The following TASP1 variants were observed in gnomAD, a reference collection of about 807,000 sequenced individuals.
The protein encoded by TASP1 is taspase 1.
In TASP1, 16 loss-of-function variants were observed where a neutral mutation model predicts 56.6. The ratio of observed to expected loss-of-function variants is 0.28; its 90% confidence interval spans 0.19 to 0.43. The LOEUF (loss-of-function observed/expected upper bound fraction) is 0.43, where lower values mean the gene tolerates loss of function less well. TASP1 is among the 20% of genes least tolerant of loss of function. The pLI, the probability that TASP1 is intolerant of heterozygous loss-of-function variation, is 1.00. For missense variants in TASP1, 393 were observed against 511.6 expected (o/e 0.77, Z 2.24); for synonymous variants, 179 against 184.2 (o/e 0.97, Z 0.23).
At chr20:13,341,428 C>T in the TASP1 span, among the ~76,000 whole-genome samples, 4 of 152,122 alleles carry the variant, frequency 2.6e-5, no homozygotes, top group African/African-American at 7.2e-5. Flanking sequence ...TAGGCATGAC[C>T]GTTGGCAAGT....
At chr20:13,532,234 T>G (rs1568552739) in intron 9 of TASP1, among the ~76,000 whole-genome samples, 1 of 152,228 alleles carries the variant, frequency 6.6e-6, no homozygotes, top group Non-Finnish European at 1.5e-5. Context: ...TCTGCACTGC[T>G]ATCACATATC....
At chr20:13,432,848 T>C (rs973767593) in intron 12 of TASP1, among the ~76,000 whole-genome samples, 2 of 152,122 alleles carry the variant, frequency 1.3e-5, no homozygotes, top group African/African-American at 2.4e-5. Context: ...TTAACACAAA[T>C]GGGTAAGAGT....
chr20:13,511,809 A>G (rs1187712075), intron 10 of TASP1, among the ~76,000 whole-genome samples: 6 of 129,902 alleles, frequency 4.6e-5, no homozygotes. Context: ...CCTGTGTCCA[A>G]GTGTTCTCAT....
Position 13,580,981 on chromosome 20 carries a change from C to T in TASP1, c.404G>A (p.Gly135Glu). ...GGCAACCGAGACTGGGTTCTTGATT[C>T]CTATAAAAAAAAAAAAAAAATTGGC... ...LNFGAVGALSGIKNPVSVANR... is the reference protein window; with the variant it reads ...LNFGAVGALSEIKNPVSVANR... Residue 135 changes from glycine to glutamate, a missense_variant and splice_region_variant, in exon 6 of 14, where the codon GGA becomes GAA. Physicochemically the swap from Gly to Glu is moderately conservative, Grantham distance 98. Around this residue, in one of 3 missense-constraint regions of TASP1, gnomAD observed 293 missense variants for 354.2 expected, o/e 0.83. Transcript: ENST00000337743. 1 of 1,541,704 alleles carries T rather than the reference C, an allele frequency of 6.5e-7. No individual in the cohort carries two copies. The highest frequency in any genetic ancestry group is 1.2e-5 in the South Asian group (1 of 84,584).
chr20:13,494,851 C>T (rs2043663186), intron 10 of TASP1, among the ~76,000 whole-genome samples: 1 of 151,844 alleles, frequency 6.6e-6, no homozygotes, highest in Admixed American at 6.6e-5. Flanking sequence ...CCAATTTTAA[C>T]CAGAAAGTCC....
chr20:13,410,347 G>T (rs2042055418), intron 13 of TASP1, among the ~76,000 whole-genome samples: 1 of 152,170 alleles, frequency 6.6e-6, no homozygotes, highest in African/African-American at 2.4e-5. Context: ...TAAATACCCA[G>T]TAGTAGAAAG....
At chr20:13,512,714 ATATGGTTTT>A (rs1389631092) in intron 10 of TASP1, among the ~76,000 whole-genome samples, 1 of 152,010 alleles carries the variant, frequency 6.6e-6, no homozygotes, top group East Asian at 1.9e-4. Context: ...AGGTTTTCTT[ATATGGTTTT>A]TATGGTTTTA....
At chr20:13,226,054 C>T in the TASP1 span, among the ~76,000 whole-genome samples, 2 of 152,106 alleles carry the variant, frequency 1.3e-5, no homozygotes, top group Non-Finnish European at 2.9e-5. Context: ...AGTAGTAAGT[C>T]AGAACTCATT....
chr20:13,184,042 AAAAG>A, the TASP1 span, among the ~76,000 whole-genome samples: 328 of 151,762 alleles, frequency 2.2e-3, 1 homozygote, highest in African/African-American at 7.4e-3. Flanking sequence ...AAAAAAAAAA[AAAAG>A]AAAGAAAGAA....
chr20:13,247,577 AACTTAAAAGAGAG>A, the TASP1 span, among the ~76,000 whole-genome samples: 3 of 149,020 alleles, frequency 2.0e-5, no homozygotes, highest in South Asian at 6.4e-4. Flanking sequence ...TAGGAGGAGC[AACTTAAAAGAGAG>A]ACTTTAGCAT....
the TASP1 span, chr20:13,166,970 G>A: frequency 4.6e-5 from 7 of 152,182 alleles, no homozygotes; most frequent in Admixed American, 1.3e-4. Flanking sequence ...CAAGAGTACA[G>A]GGGCAATTTA....
chr20:13,478,193 G>A (rs557394788), intron 11 of TASP1, among the ~76,000 whole-genome samples: 3 of 152,116 alleles, frequency 2.0e-5, no homozygotes, highest in African/African-American at 2.4e-5. Flanking sequence ...GTCTGGAACC[G>A]CAATTATTTT....
At chr20:13,149,186 A>G in the TASP1 span, among the ~76,000 whole-genome samples, 2 of 152,152 alleles carry the variant, frequency 1.3e-5, no homozygotes, top group Non-Finnish European at 2.9e-5. Flanking sequence ...GTGAGTAGGG[A>G]CTTTCCCTGA....
chr20:13,313,872 A>G, the TASP1 span, among the ~76,000 whole-genome samples: 4 of 152,228 alleles, frequency 2.6e-5, no homozygotes, highest in Non-Finnish European at 4.4e-5. Context: ...TAAGGGCTCT[A>G]ATGAATAAAG....
At chr20:13,154,042 A>G in the TASP1 span, 1 of 1,614,134 alleles carries the variant, frequency 6.2e-7, no homozygotes, top group Non-Finnish European at 8.5e-7. Context: ...AACACAAGAT[A>G]CTTCAGACAA....
chr20:13,316,820 G>A, the TASP1 span, among the ~76,000 whole-genome samples: 16 of 151,308 alleles, frequency 1.1e-4, no homozygotes, highest in Non-Finnish European at 2.1e-4. Context: ...CAAAACACCC[G>A]ATAGTTAATA....
At chr20:13,321,015 A>C in the TASP1 span, among the ~76,000 whole-genome samples, 2 of 151,996 alleles carry the variant, frequency 1.3e-5, no homozygotes, top group Non-Finnish European at 2.9e-5. Context: ...CCTGTCCAAC[A>C]TGGTGGAACC....
At chr20:13,409,449 T>G (rs1389273208) in intron 13 of TASP1, among the ~76,000 whole-genome samples, 1 of 152,130 alleles carries the variant, frequency 6.6e-6, no homozygotes, top group Non-Finnish European at 1.5e-5. Flanking sequence ...TATACCTTTT[T>G]AATTGAATGG....
At chr20:13,393,688 C>G (rs2041382635) in intron 13 of TASP1, 1 of 1,232,998 alleles carries the variant, frequency 8.1e-7, no homozygotes, top group African/African-American at 1.5e-5. Context: ...CCCTGGACCA[C>G]CAGCCCCAGC....
Sources: allele counts gnomAD v4.1 joint callset (sites outside exome capture counted in the v4.1 genomes callset), GRCh38; gene constraint gnomAD v4.1.1; regional missense constraint gnomAD v4.1.1; transcripts MANE v1.5; gene names NCBI Gene and HGNC (gene_info 2026-07-23, HGNC 2026-07-21).